RTP2: variants seen among roughly 807,000 people sequenced by gnomAD.
The protein encoded by RTP2 is receptor-transporting protein 2.
RTP2 carries 12 observed loss-of-function variants against 17.9 expected under a neutral mutation model. The observed-to-expected ratio is 0.67, with a 90% CI of 0.43 to 1.09. RTP2 has a LOEUF of 1.09. RTP2 is among the 50% of genes least tolerant of loss of function. The pLI is 0.00. For missense variants in RTP2, 327 were observed against 295.7 expected, an observed-to-expected ratio of 1.11 and a Z score of -0.78; for synonymous variants, 126 against 117.7, an observed-to-expected ratio of 1.07 and a Z score of -0.46.
exon 1 of RTP2, chr3:187,702,054 G>A: frequency 6.2e-7 from 1 of 1,613,776 alleles, no homozygotes; most frequent in Non-Finnish European, 8.5e-7. Flanking sequence ...GCTCCCAGCT[G>A]TCCGCTGGCT....
chr3:187,702,431 C>A lies in RTP2; in HGVS notation c.-303G>T. ...GAGCAAGCACAGTGGGAGGCCCAACCTCAGACCACACTCATCTGGATTTCC... is the reference window on the plus strand; with the variant it reads ...GAGCAAGCACAGTGGGAGGCCCAACATCAGACCACACTCATCTGGATTTCC... On this transcript the variant is annotated 5_prime_UTR_variant, in exon 1 of 2. In the 5' UTR this introduces an upstream ATG that the reference lacks. Transcript: ENST00000358241. 1.9e-6 allele frequency: 1 copy of A among 514,944 alleles called. No homozygotes were observed. Among genetic ancestry groups the A allele is most frequent in the Non-Finnish European group, 3.8e-6 (1 of 265,290 alleles). 31.9% of individuals were successfully genotyped at this position (514,944 alleles called of 1,614,324 possible).
the RTP2 span, among the ~76,000 whole-genome samples, chr3:187,712,189 A>G: frequency 4.6e-5 from 7 of 152,180 alleles, no homozygotes; most frequent in Non-Finnish European, 1.0e-4. Context: ...TCTGTGGATT[A>G]TACCCACTGA....
the RTP2 span, among the ~76,000 whole-genome samples, chr3:187,711,188 G>T: frequency 6.6e-6 from 1 of 152,152 alleles, no homozygotes; most frequent in Non-Finnish European, 1.5e-5. Context: ...TGGTGTCCAG[G>T]GGTGTCTATT....
chr3:187,701,849 C>T, intron 1 of RTP2, 116 bp downstream of exon 1: 1 of 908,884 alleles, frequency 1.1e-6, no homozygotes, highest in South Asian at 2.3e-5. Flanking sequence ...GTCTTTTTCC[C>T]CATCTGAGCT....
upstream of RTP2, among the ~76,000 whole-genome samples, chr3:187,704,799 T>C (rs1023302510): frequency 3.9e-5 from 6 of 152,004 alleles, no homozygotes; most frequent in African/African-American, 7.3e-5. Context: ...TGGTCCAAGC[T>C]CCCACTCTTT....
At chr3:187,703,670 G>A (rs1411374173), upstream of RTP2, among the ~76,000 whole-genome samples, 1 of 152,184 alleles carries the variant, frequency 6.6e-6, no homozygotes, top group East Asian at 1.9e-4. Context: ...ACCAGACCAG[G>A]TGAGACAGAG....
At position 187,698,857 on chromosome 3, in the gene RTP2, A is replaced by G. The variant is rs756300167; in HGVS notation, c.319T>C (p.Ser107Pro). ...TCGATGTTCTCCTCCAGCATGCTGGACTCGTCCAGCCGCGCCGTGCCGCAC... is the reference window on the plus strand; with the variant it reads ...TCGATGTTCTCCTCCAGCATGCTGGGCTCGTCCAGCCGCGCCGTGCCGCAC... Residue 107 changes from serine to proline, a missense_variant, in exon 2 of 2, where the codon TCC (serine) becomes CCC (proline). Coordinates refer to ENST00000358241, the Ensembl canonical transcript of RTP2. 1.9e-6 allele frequency: 3 copies of G among 1,612,564 alleles called. No individual in the cohort carries two copies. In the East Asian group the frequency reaches 6.7e-5, roughly 36 times the overall value.
exon 2 of RTP2, chr3:187,698,430 A>G: frequency 2.9e-6 from 4 of 1,390,126 alleles, no homozygotes; most frequent in Non-Finnish European, 3.9e-6. Flanking sequence ...CTGTAGCAGG[A>G]TCAAGTCCAG....
chr3:187,711,213 G>A, the RTP2 span, among the ~76,000 whole-genome samples: 1 of 152,124 alleles, frequency 6.6e-6, no homozygotes, highest in Non-Finnish European at 1.5e-5. Flanking sequence ...AATGCATTCA[G>A]TAAGCATTTA....
exon 2 of RTP2, chr3:187,698,930 C>T (rs1264025518): frequency 6.2e-7 from 1 of 1,609,900 alleles, no homozygotes; most frequent in South Asian, 1.1e-5. Context: ...AGCCCGCCCG[C>T]TGGGCGCGGT....
the RTP2 span, among the ~76,000 whole-genome samples, chr3:187,714,202 A>C: frequency 6.6e-6 from 1 of 152,234 alleles, no homozygotes; most frequent in East Asian, 1.9e-4. Context: ...TTGTTATACT[A>C]GACACTAGAT....
At chr3:187,708,563 T>C in the RTP2 span, among the ~76,000 whole-genome samples, 1 of 152,120 alleles carries the variant, frequency 6.6e-6, no homozygotes, top group African/African-American at 2.4e-5. Flanking sequence ...ATGCAAGAAA[T>C]AGCAAAAGCT....
At chr3:187,714,082 CCT>C in the RTP2 span, among the ~76,000 whole-genome samples, 7 of 152,188 alleles carry the variant, frequency 4.6e-5, no homozygotes, top group African/African-American at 1.7e-4. Context: ...CCTCTCCGAA[CCT>C]CAGTTTTGTC....
chr3:187,715,135 T>C, the RTP2 span, among the ~76,000 whole-genome samples: 1 of 152,188 alleles, frequency 6.6e-6, no homozygotes, highest in African/African-American at 2.4e-5. Context: ...ACACTTACTC[T>C]GAATCCCTCG....
chr3:187,699,624 A>T (rs940169879), intron 1 of RTP2, among the ~76,000 whole-genome samples: 3 of 151,978 alleles, frequency 2.0e-5, no homozygotes, highest in African/African-American at 7.3e-5. Context: ...TAGTTACTAC[A>T]TCTTCACAAA....
rs150419083 is a variant in RTP2 at position 187,702,543 on chromosome 3, A to C, written c.-415T>G. On this transcript the variant is annotated 5_prime_UTR_variant, in exon 1 of 2. Coordinates refer to ENST00000358241, the Ensembl canonical transcript of RTP2. ...ATTCTCCACATCATGTGCTATGGTA[A>C]GTACGACACCCTAGGAAGTCAAGGA... The C allele has an allele frequency of 0.013, 6,168 of 458,506 alleles. 97 individuals carry two copies. Among genetic ancestry groups the C allele is most frequent in the South Asian group, 0.04 (2,553 of 64,594 alleles). The allele number at this position is 458,506 out of a possible 1,614,324, so 28.4% of individuals were successfully genotyped here. A position where few individuals can be genotyped will look rare whatever the true frequency, so the allele number is the denominator to read the frequency against.
upstream of RTP2, among the ~76,000 whole-genome samples, chr3:187,707,342 G>A (rs1044359496): frequency 1.1e-4 from 17 of 152,338 alleles, no homozygotes; most frequent in East Asian, 1.7e-3. Flanking sequence ...ATGCAAGTCG[G>A]GAGATACCAA....
upstream of RTP2, among the ~76,000 whole-genome samples, chr3:187,705,494 T>C (rs1474514397): frequency 6.6e-6 from 1 of 152,224 alleles, no homozygotes; most frequent in African/African-American, 2.4e-5. Flanking sequence ...TTTAAAAATA[T>C]ATATCTTTCC....
At chr3:187,712,151 A>G in the RTP2 span, among the ~76,000 whole-genome samples, 2 of 152,296 alleles carry the variant, frequency 1.3e-5, no homozygotes, top group South Asian at 4.1e-4. Flanking sequence ...ACACGAGTGC[A>G]TGTAAAACGA....
Sources: gnomAD v4.1 joint callset for allele counts (sites outside exome capture counted in the v4.1 genomes callset) on GRCh38, gnomAD v4.1.1 for gene constraint, MANE v1.5 for transcripts, NCBI Gene and HGNC (gene_info 2026-07-23, HGNC 2026-07-21) for gene names.